Variants in HCK observed in about 807,000 individuals in gnomAD.
HCK encodes the protein HCK proto-oncogene, Src family tyrosine kinase, also known as tyrosine-protein kinase HCK.
A neutral mutation model predicts 70.4 loss-of-function variants in HCK; 40 were observed. The observed-to-expected ratio is 0.57, with a 90% CI of 0.44 to 0.74. The LOEUF (loss-of-function observed/expected upper bound fraction) is 0.74, where lower values mean the gene tolerates loss of function less well. HCK is among the 30% of genes least tolerant of loss of function. The probability of loss-of-function intolerance (pLI) is 0.00; values close to 1 mark genes in which losing one functional copy is unlikely to be tolerated. For synonymous variants in HCK, 245 were observed against 263.2 expected (o/e 0.93, Z 0.67); for missense variants, 568 against 697.2 (o/e 0.81, Z 2.09).
intron 1 of HCK, among the ~76,000 whole-genome samples, chr20:32,065,029 C>A (rs547001410): frequency 6.6e-6 from 1 of 152,264 alleles, no homozygotes; most frequent in African/African-American, 2.4e-5. Context: ...TCCTTCACAT[C>A]CCTAGTCACA....
intron 10 of HCK, among the ~76,000 whole-genome samples, chr20:32,090,642 C>T (rs905994967): frequency 6.6e-6 from 1 of 152,124 alleles, no homozygotes; most frequent in African/African-American, 2.4e-5. Flanking sequence ...CTGTGACTCC[C>T]TGATACTCTT....
intron 1 of HCK, among the ~76,000 whole-genome samples, chr20:32,054,607 C>T (rs1401010790): frequency 6.8e-6 from 1 of 147,606 alleles, no homozygotes; most frequent in Non-Finnish European, 1.5e-5. Context: ...GAGATCGAGA[C>T]CATCCTGGCT....
chr20:32,063,945 G>A (rs2122494184), intron 1 of HCK, among the ~76,000 whole-genome samples: 2 of 148,542 alleles, frequency 1.3e-5, no homozygotes, highest in Middle Eastern at 3.5e-3. Flanking sequence ...AGAAACCAAG[G>A]GCTGGCTCTC....
At chr20:32,081,764 G>A (rs2045712195) in intron 6 of HCK, among the ~76,000 whole-genome samples, 1 of 152,236 alleles carries the variant, frequency 6.6e-6, no homozygotes, top group South Asian at 2.1e-4. Flanking sequence ...GCACAGCCCA[G>A]CGCTTCTCCT....
chr20:32,094,825 GAA>G (rs1166964733), intron 11 of HCK, among the ~76,000 whole-genome samples: 71 of 142,012 alleles, frequency 5.0e-4, no homozygotes, highest in South Asian at 1.1e-3. Context: ...AAGAAAGAAA[GAA>G]AGAAAGAAAG....
At chr20:32,100,011 C>T (rs1003566776) in intron 12 of HCK, among the ~76,000 whole-genome samples, 6 of 151,754 alleles carry the variant, frequency 4.0e-5, no homozygotes, top group Admixed American at 1.3e-4. Context: ...ATGATCCTCC[C>T]GCTTCAGCCT....
intron 11 of HCK, among the ~76,000 whole-genome samples, chr20:32,098,365 G>A (rs2045985556): frequency 6.6e-6 from 1 of 152,078 alleles, no homozygotes. Flanking sequence ...GCATAATGGG[G>A]CACACCTGTA....
chr20:32,094,253 C>T (rs1470450625), intron 11 of HCK, among the ~76,000 whole-genome samples: 1 of 152,034 alleles, frequency 6.6e-6, no homozygotes, highest in Admixed American at 6.6e-5. Flanking sequence ...AGGGAGTGGG[C>T]AAATATATGT....
intron 10 of HCK, among the ~76,000 whole-genome samples, chr20:32,090,643 T>A (rs1600739223): frequency 6.6e-6 from 1 of 152,278 alleles, no homozygotes; most frequent in Middle Eastern, 3.4e-3. Flanking sequence ...TGTGACTCCC[T>A]GATACTCTTT....
chr20:32,083,877 C>T lies in HCK; in HGVS notation c.533-17C>T. On this transcript the variant is annotated splice_polypyrimidine_tract_variant and intron_variant, in intron 6 of 12. Coordinates refer to ENST00000375852, the MANE Select transcript of HCK (RefSeq NM_002110.5). Reference sequence around the variant, plus strand: ...TCCAAGATGCCATTCTGAGGGGTTTCTCTTTGGTCAATTCAGGAAGCTACT... The same window carrying T: ...TCCAAGATGCCATTCTGAGGGGTTTTTCTTTGGTCAATTCAGGAAGCTACT... 1 of 1,614,086 alleles carries T rather than the reference C, an allele frequency of 6.2e-7. No homozygotes were observed. Among genetic ancestry groups the T allele is most frequent in the Non-Finnish European group, 8.5e-7 (1 of 1,180,002 alleles).
intron 10 of HCK, among the ~76,000 whole-genome samples, chr20:32,090,165 T>C (rs957368339): frequency 6.6e-6 from 1 of 152,274 alleles, no homozygotes; most frequent in African/African-American, 2.4e-5. Flanking sequence ...GACTGGTCTG[T>C]TGCTAAATTA....
rs1037337186 is a variant in HCK, at chr20:32,069,713, C to G, written c.63-1949C>G. 7.1e-6 allele frequency: 8 copies of G among 1,119,158 alleles called. No homozygotes were observed. In the African/African-American group the frequency reaches 1.3e-4, roughly 18 times the overall value. The allele number at this position is 1,119,158 out of a possible 1,614,324, so 69.3% of individuals were successfully genotyped here. ...ACAAACAAAGCAAAACCGCTCAAGT[C>G]TTGAGGTGGCAAATCTTTCCCAGTT... On this transcript the variant is annotated intron_variant, in intron 1 of 12. Coordinates refer to ENST00000375852, the MANE Select transcript of HCK (RefSeq NM_002110.5).
intron 11 of HCK, among the ~76,000 whole-genome samples, chr20:32,095,445 C>T (rs2122627498): frequency 6.6e-6 from 1 of 152,188 alleles, no homozygotes; most frequent in Middle Eastern, 3.4e-3. Context: ...TAGTAGATAA[C>T]AGGGTTTCAC....
intron 6 of HCK, 35 bp downstream of exon 6, chr20:32,079,912 C>T (rs1472672654): frequency 3.4e-6 from 5 of 1,468,846 alleles, no homozygotes; most frequent in East Asian, 2.3e-5. Flanking sequence ...TCCTCCCTGC[C>T]GAGGTGCCCC....
intron 1 of HCK, among the ~76,000 whole-genome samples, chr20:32,057,515 G>A (rs543468588): frequency 3.3e-5 from 5 of 152,222 alleles, no homozygotes; most frequent in South Asian, 2.1e-4. Context: ...TGGGAGGATC[G>A]TCTGAGCACA....
chr20:32,086,396 G>A (rs377101411), intron 8 of HCK, among the ~76,000 whole-genome samples: 8 of 152,332 alleles, frequency 5.3e-5, no homozygotes, highest in South Asian at 2.1e-4. Context: ...AGGAAGCCAC[G>A]GCTCAGAGAC....
chr20:32,058,605 A>AACACACACACACACACACACAC (rs60349531), intron 1 of HCK, among the ~76,000 whole-genome samples: 2 of 142,334 alleles, frequency 1.4e-5, no homozygotes, highest in Non-Finnish European at 3.0e-5. Flanking sequence ...TTTATGTCAA[A>AACACACACACACACACACACAC]ACACACACAC....
Position 32,058,530 on chromosome 20 carries a change from C to CAAA in HCK, c.62+6056_62+6058dup, listed in dbSNP as rs11472244. On this transcript the variant is annotated intron_variant, in intron 1 of 12. Coordinates refer to ENST00000375852, the MANE Select transcript of HCK (RefSeq NM_002110.5). Reference sequence around the variant, plus strand: ...TGGGCTGACAACAGCAAGACTCTGTCAAAAAAAAAAAAAAGGGGGAGAACT... The same window carrying CAAA: ...TGGGCTGACAACAGCAAGACTCTGTCAAAAAAAAAAAAAAAAAGGGGGAGAACT... 6.2e-3 allele frequency among the ~76,000 whole-genome samples: 815 copies of CAAA among 130,504 alleles called. 5 individuals are homozygous for CAAA. Among genetic ancestry groups the CAAA allele is most frequent in the African/African-American group, 0.016 (553 of 34,210 alleles). The allele number at this position is 130,504 out of a possible 152,430, so 85.6% of individuals were successfully genotyped here. A position where few individuals can be genotyped will look rare whatever the true frequency, so the allele number is the denominator to read the frequency against.
At chr20:32,054,342 G>A in intron 1 of HCK, 2 of 455,340 alleles carry the variant, frequency 4.4e-6, no homozygotes. Flanking sequence ...CTATGCAGTG[G>A]TTCATGCCTG....
Sources: gnomAD v4.1 joint callset for allele counts (sites outside exome capture counted in the v4.1 genomes callset) on GRCh38, gnomAD v4.1.1 for gene constraint, MANE v1.5 for transcripts, NCBI Gene and HGNC (gene_info 2026-07-23, HGNC 2026-07-21) for gene names.